The following ARHGAP6 variants were observed in gnomAD, a reference collection of about 807,000 sequenced individuals.
ARHGAP6 encodes the protein Rho GTPase activating protein 6.
A neutral mutation model predicts 55.7 loss-of-function variants in ARHGAP6; 16 were observed. The observed-to-expected ratio is 0.29, with a 90% confidence interval of 0.19 to 0.44. The LOEUF (loss-of-function observed/expected upper bound fraction) is 0.44. Ranked by LOEUF, ARHGAP6 falls within the 20% of genes least tolerant of loss-of-function variation. ARHGAP6 has a pLI of 1.00. For missense variants in ARHGAP6, 698 were observed against 808.9 expected, an observed-to-expected ratio of 0.86 and a Z score of 1.66; for synonymous variants, 382 against 360.9, an observed-to-expected ratio of 1.06 and a Z score of -0.66.
intron 1 of ARHGAP6, among the ~76,000 whole-genome samples, chrX:11,514,783 C>A (rs2050820479): frequency 9.1e-6 from 1 of 109,633 alleles, no homozygotes; most frequent in Non-Finnish European, 1.9e-5. Flanking sequence ...AATTACTGTA[C>A]AACAAATCAA....
intron 1 of ARHGAP6, chrX:11,265,562 A>G (rs189761725): frequency 6.8e-6 from 3 of 443,666 alleles, no homozygotes; most frequent in East Asian, 3.8e-4. Flanking sequence ...GCTGTCACAC[A>G]TCTCAGACAC....
intron 3 of ARHGAP6, among the ~76,000 whole-genome samples, chrX:11,189,933 A>G (rs1460356608): frequency 8.9e-6 from 1 of 112,316 alleles, no homozygotes; most frequent in Non-Finnish European, 1.9e-5. Flanking sequence ...TTAGACTCCA[A>G]ATTAGGTCTC....
At chrX:11,305,225 G>A (rs1231079839) in intron 1 of ARHGAP6, among the ~76,000 whole-genome samples, 1 of 111,073 alleles carries the variant, frequency 9.0e-6, no homozygotes, top group African/African-American at 3.3e-5. Flanking sequence ...GGGGTGTTAA[G>A]GAGAATTTGC....
intron 1 of ARHGAP6, among the ~76,000 whole-genome samples, chrX:11,600,905 C>G (rs2051962355): frequency 8.9e-6 from 1 of 111,840 alleles, no homozygotes; most frequent in Non-Finnish European, 1.9e-5. Flanking sequence ...CTGGGTGGAA[C>G]ATGTCTCAGA....
chrX:11,278,509 G>A (rs1015826510), intron 1 of ARHGAP6, among the ~76,000 whole-genome samples: 2 of 111,856 alleles, frequency 1.8e-5, no homozygotes, highest in African/African-American at 3.2e-5. Context: ...TTTGTCCAGT[G>A]CAACCTGTGT....
chrX:11,431,431 A>G (rs1041264965), intron 1 of ARHGAP6, among the ~76,000 whole-genome samples: 1 of 112,917 alleles, frequency 8.9e-6, no homozygotes, highest in Non-Finnish European at 1.9e-5. Flanking sequence ...GTTAATGCCA[A>G]TGCAAGGGTG....
At chrX:11,528,485 CT>C (rs1351443032) in intron 1 of ARHGAP6, among the ~76,000 whole-genome samples, 1 of 111,676 alleles carries the variant, frequency 9.0e-6, no homozygotes, top group Non-Finnish European at 1.9e-5. Flanking sequence ...CGCTGCCTAC[CT>C]TTTACCAAAA....
chrX:11,569,581 C>T (rs1266925015), intron 1 of ARHGAP6, among the ~76,000 whole-genome samples: 1 of 111,811 alleles, frequency 8.9e-6, no homozygotes, highest in East Asian at 2.8e-4. Flanking sequence ...CATTATTGGA[C>T]CACTGCGCAT....
intron 1 of ARHGAP6, among the ~76,000 whole-genome samples, chrX:11,533,259 C>T (rs770478740): frequency 2.7e-5 from 3 of 110,235 alleles, no homozygotes; most frequent in Non-Finnish European, 3.8e-5. Flanking sequence ...CACTTAAGAC[C>T]ATTTACATTT....
intron 1 of ARHGAP6, among the ~76,000 whole-genome samples, chrX:11,322,361 A>G (rs1461505195): frequency 5.4e-5 from 5 of 93,370 alleles, no homozygotes; most frequent in Non-Finnish European, 2.2e-5. Flanking sequence ...CACTGATAGC[A>G]TATTTTTCTT....
chrX:11,141,925 A>C (rs988254370), intron 12 of ARHGAP6, among the ~76,000 whole-genome samples: 1 of 112,479 alleles, frequency 8.9e-6, no homozygotes, highest in Non-Finnish European at 1.9e-5. Flanking sequence ...ATGATTATGC[A>C]CTCTGTGGAA....
chrX:11,258,475 T>C (rs1384256501), intron 1 of ARHGAP6, among the ~76,000 whole-genome samples: 2 of 110,486 alleles, frequency 1.8e-5, no homozygotes, highest in Non-Finnish European at 3.8e-5. Context: ...GTGAAAATGG[T>C]ATTTTCTTTT....
chrX:11,393,942 T>C (rs1477764255), intron 1 of ARHGAP6, among the ~76,000 whole-genome samples: 2 of 111,941 alleles, frequency 1.8e-5, no homozygotes, highest in Admixed American at 1.9e-4. Flanking sequence ...GTGTGCTTGG[T>C]AGTAATTGAA....
intron 1 of ARHGAP6, among the ~76,000 whole-genome samples, chrX:11,507,349 T>C (rs766786184): frequency 9.0e-6 from 1 of 111,554 alleles, no homozygotes; most frequent in African/African-American, 3.3e-5. Context: ...GAACAGTGAC[T>C]GAGGGTGTGC....
At chrX:11,343,602 A>C (rs1390002659) in intron 1 of ARHGAP6, among the ~76,000 whole-genome samples, 1 of 111,702 alleles carries the variant, frequency 9.0e-6, no homozygotes, top group Non-Finnish European at 1.9e-5. Context: ...CCTAGGAGAG[A>C]AATGTCAATC....
At chrX:11,544,314 T>C (rs1042070469) in intron 1 of ARHGAP6, among the ~76,000 whole-genome samples, 3 of 112,515 alleles carry the variant, frequency 2.7e-5, no homozygotes, top group Non-Finnish European at 5.6e-5. Context: ...GAATGCAACA[T>C]GTTTGAAAGC....
At chrX:11,395,239 T>A (rs988681236) in intron 1 of ARHGAP6, among the ~76,000 whole-genome samples, 3 of 111,920 alleles carry the variant, frequency 2.7e-5, no homozygotes, top group African/African-American at 9.7e-5. Context: ...AGCCCTCTTC[T>A]GAAGGGAAAA....
chrX:11,468,643 C>A (rs994699266), intron 1 of ARHGAP6, among the ~76,000 whole-genome samples: 1 of 112,634 alleles, frequency 8.9e-6, no homozygotes, highest in Non-Finnish European at 1.9e-5. Context: ...AGCAGAAGTA[C>A]TTAAAATATC....
intron 1 of ARHGAP6, among the ~76,000 whole-genome samples, chrX:11,452,021 G>C (rs1419443097): frequency 8.9e-6 from 1 of 112,469 alleles, no homozygotes; most frequent in East Asian, 2.8e-4. Flanking sequence ...GATGCAATCT[G>C]AAATCCTAAA....
Sources: gnomAD v4.1 joint callset for allele counts (sites outside exome capture counted in the v4.1 genomes callset) on GRCh38, gnomAD v4.1.1 for gene constraint, MANE v1.5 for transcripts, NCBI Gene and HGNC (gene_info 2026-07-23, HGNC 2026-07-21) for gene names.